The following PCGF2 variants were observed in gnomAD, a reference collection of about 807,000 sequenced individuals.
The protein encoded by PCGF2 is polycomb group RING finger protein 2.
In PCGF2, 8 loss-of-function variants were observed where a neutral mutation model predicts 36.1. The ratio of observed to expected loss-of-function variants is 0.22; its 90% CI spans 0.13 to 0.40. PCGF2 has a LOEUF of 0.40. Among genes scored for constraint, PCGF2 ranks in the 10% least tolerant of loss-of-function variants. The pLI is 1.00. For missense variants in PCGF2, 436 were observed against 475.9 expected, an observed-to-expected ratio of 0.92 and a Z score of 0.78; for synonymous variants, 198 against 191.2, an observed-to-expected ratio of 1.04 and a Z score of -0.29.
At chr17:38,747,359 C>T (rs1907602446) in intron 2 of PCGF2, among the ~76,000 whole-genome samples, 1 of 152,180 alleles carries the variant, frequency 6.6e-6, no homozygotes, top group East Asian at 1.9e-4. Context: ...GATCCCCCTG[C>T]TTCCGCTGGC....
At chr17:38,748,403 G>T (rs1315150509), upstream of PCGF2, 3 of 150,460 alleles carry the variant, frequency 2.0e-5, no homozygotes, top group South Asian at 2.1e-4. Flanking sequence ...CGGAGTGTGG[G>T]GGGGAGACAA....
rs577500032 is a variant in PCGF2 at position 38,735,562 on chromosome 17, G to C, written c.696C>G (p.Ala232=). 1 of 1,585,610 alleles carries C rather than the reference G, an allele frequency of 6.3e-7. No individual in the cohort carries two copies. The highest frequency in any genetic ancestry group is 1.3e-5 in the African/African-American group (1 of 74,532). Residue 232 remains alanine (A), a synonymous_variant, in exon 11 of 11, where the codon GCC becomes GCG. Coordinates refer to ENST00000620225, the MANE Select transcript of PCGF2 (RefSeq NM_007144.3). ...PLPLKYRVQP[A]CKRLTLATVP... ...CCGTGGCTAGGGTGAGCCGCTTGCA[G>C]GCTGGCTGGACACGGTACTTGAGGG...
At position 38,735,322 on chromosome 17, in the gene PCGF2, A is replaced by C; in HGVS notation, c.936T>G (p.Ala312=). 6.5e-7 allele frequency: 1 copy of C among 1,541,246 alleles called. No homozygotes were observed. The highest frequency in any genetic ancestry group is 8.8e-7 in the Non-Finnish European group (1 of 1,137,820). The change falls in exon 11 of 11, where the codon GCT becomes GCG. Residue 312 remains alanine, a synonymous_variant. Transcript: ENST00000620225. The part of the protein sequence containing the change: ...PPSTASGATT[A]ANGGSLNCLQ... ...GGCAGTTCAAGCTACCCCCGTTGGCAGCTGTGGTGGCCCCACTGGCTGTCG... is the reference window on the plus strand; with the variant it reads ...GGCAGTTCAAGCTACCCCCGTTGGCCGCTGTGGTGGCCCCACTGGCTGTCG...
chr17:38,737,297 T>C (rs1906845997), intron 9 of PCGF2, among the ~76,000 whole-genome samples: 1 of 151,926 alleles, frequency 6.6e-6, no homozygotes, highest in Non-Finnish European at 1.5e-5. Context: ...ACCCTGTCTA[T>C]ACTGAAAGTA....
upstream of PCGF2, among the ~76,000 whole-genome samples, chr17:38,748,907 G>T (rs1341964293): frequency 1.3e-5 from 2 of 152,110 alleles, no homozygotes. Flanking sequence ...CACTCCCCTT[G>T]CCCCCTCGGC....
At chr17:38,746,566 C>G (rs1907548484) in intron 2 of PCGF2, 1 of 152,456 alleles carries the variant, frequency 6.6e-6, no homozygotes, top group South Asian at 2.1e-4. Context: ...GGACCAGAGG[C>G]TGGAGGGCTG....
Position 38,737,296 on chromosome 17 carries a change from A to G in PCGF2, c.576+1057T>C, listed in dbSNP as rs557810474. 2.7e-5 allele frequency among the ~76,000 whole-genome samples: 4 copies of G among 149,974 alleles called. No homozygotes were observed. In the South Asian group the frequency reaches 8.5e-4, roughly 32 times the overall value. ...TGGCCAACATGGTGAAACCCTGTCT[A>G]TACTGAAAGTACAAAAATTAGCCAC... On this transcript the variant is annotated intron_variant, in intron 9 of 10. Transcript: ENST00000620225.
intron 2 of PCGF2, among the ~76,000 whole-genome samples, chr17:38,744,578 A>T (rs1186788397): frequency 2.0e-5 from 3 of 151,596 alleles, no homozygotes; most frequent in Non-Finnish European, 4.4e-5. Flanking sequence ...CTGGTTTCCA[A>T]CTCCTGGCCT....
At chr17:38,735,768 G>A (rs1906663489) in intron 10 of PCGF2, among the ~76,000 whole-genome samples, 168 bp from the exon 11 acceptor site, 1 of 152,204 alleles carries the variant, frequency 6.6e-6, no homozygotes, top group Non-Finnish European at 1.5e-5. Context: ...TGAAGACCCA[G>A]AGAGGGAAAA....
Position 38,744,936 on chromosome 17 carries a change from TG to T in PCGF2, c.-41+2942del, listed in dbSNP as rs1161971066. On this transcript the variant is annotated intron_variant, in intron 2 of 10. Transcript: ENST00000620225. ...GCTTTTAGAAAGCACCTTGTTCAGC[TG>T]GGCGTGGTGGCTCACACCTGTAATC... 2.0e-5 allele frequency among the ~76,000 whole-genome samples: 3 copies of T among 152,048 alleles called. No homozygotes were observed. The East Asian group carries it at 5.8e-4, about 29-fold the overall frequency.
rs773587292 is a variant in PCGF2, at chr17:38,740,451, C to T, written c.-40-9G>A. The T allele has an allele frequency of 5.9e-6, 9 of 1,532,220 alleles. No homozygotes were observed. Among genetic ancestry groups the T allele is most frequent in the Middle Eastern group, 1.8e-4 (1 of 5,528 alleles). The allele number at this position is 1,532,220 out of a possible 1,614,324, so 94.9% of individuals were successfully genotyped here. A position where few individuals can be genotyped will look rare whatever the true frequency, so the allele number is the denominator to read the frequency against. ...GACTGGGGAGCGTTGCCCTGGGAAA[C>T]GGAAGTGGAATCAGAAACCCAGAGT... On this transcript the variant is annotated splice_polypyrimidine_tract_variant and intron_variant, in intron 2 of 10. Transcript: ENST00000620225.
At position 38,738,812 on chromosome 17, in the gene PCGF2, C is replaced by A; in HGVS notation, c.366G>T (p.Lys122Asn). The A allele has an allele frequency of 6.2e-7, 1 of 1,614,152 alleles. No individual in the cohort carries two copies. Among genetic ancestry groups the A allele is most frequent in the Non-Finnish European group, 8.5e-7 (1 of 1,180,014 alleles). ...EDRGEVLEQE[K>N]GALSDDEIVS... ...CAATCTCATCATCACTCAGAGCCCC[C>A]TTCTCCTGCTCCAAGACCTCGCCGC... Residue 122 changes from lysine (K) to asparagine (N), a missense_variant, in exon 7 of 11, where the codon AAG (lysine) becomes AAT (asparagine). Physicochemically the swap from Lys to Asn is moderately conservative, Grantham distance 94. Around this residue, in one of 3 missense-constraint regions of PCGF2, gnomAD observed 189 missense variants for 219.3 expected, o/e 0.86. Coordinates refer to ENST00000620225, the MANE Select transcript of PCGF2 (RefSeq NM_007144.3).
intron 9 of PCGF2, among the ~76,000 whole-genome samples, chr17:38,736,446 G>A (rs1390246675): frequency 6.6e-6 from 1 of 152,184 alleles, no homozygotes; most frequent in Non-Finnish European, 1.5e-5. Flanking sequence ...ATCTCTGGCA[G>A]GTCGCCCAGA....
intron 9 of PCGF2, among the ~76,000 whole-genome samples, chr17:38,737,430 T>A (rs1306492240): frequency 1.3e-5 from 2 of 152,086 alleles, no homozygotes; most frequent in Admixed American, 6.5e-5. Context: ...GCCACTGCAC[T>A]CCAGCCTGCG....
Position 38,738,420 on chromosome 17 carries a change from G to A in PCGF2, c.509C>T (p.Ala170Val). 2 of 1,614,202 alleles carry A rather than the reference G, an allele frequency of 1.2e-6. No individual in the cohort carries two copies. The highest frequency in any genetic ancestry group is 1.7e-6 in the Non-Finnish European group (2 of 1,180,022). Residue 170 changes from alanine (A) to valine (V), a missense_variant, in exon 9 of 11, where the codon GCA becomes GTA. This residue lies in a region of PCGF2 where 20 missense variants were observed against 43.7 expected (regional missense o/e 0.46). Transcript: ENST00000620225. ...GGCAAGATGCATGACGGTCATGGCT[G>A]CTGGGCATCGCAGGAAGCGCACCCC... is the stretch of plus-strand genomic sequence containing the variant. ...KTGVRFLRCP[A>V]AMTVMHLAKF...
upstream of PCGF2, chr17:38,749,514 G>T (rs940140544): frequency 2.4e-6 from 1 of 423,648 alleles, no homozygotes; most frequent in African/African-American, 2.0e-5. This position sits in a 1 kb window ranked among gnomAD's most constrained non-coding sequence, Gnocchi z 6.5. Context: ...GAGGATGGTC[G>T]ATTCCCTCAT....
rs747357680 is a variant in PCGF2, at chr17:38,740,277, TC to T, written c.112+13del. The T allele has an allele frequency of 2.5e-6, 4 of 1,604,942 alleles. No individual in the cohort carries two copies. The highest frequency in any genetic ancestry group is 3.4e-6 in the Non-Finnish European group (4 of 1,172,452). ...GGCTGCCCACCCTGAGCAGCTCCCC[TC>T]CCCCCAACTCACAGGAATGCAGGCA... On this transcript the variant is annotated intron_variant, in intron 3 of 10. Coordinates refer to ENST00000620225, the MANE Select transcript of PCGF2 (RefSeq NM_007144.3).
chr17:38,741,459 C>T (rs1464980329), intron 2 of PCGF2, among the ~76,000 whole-genome samples: 1 of 152,056 alleles, frequency 6.6e-6, no homozygotes, highest in Non-Finnish European at 1.5e-5. Context: ...GGTGCAGGGC[C>T]TCAGACTTGA....
At position 38,735,483 on chromosome 17, in the gene PCGF2, C is replaced by A; in HGVS notation, c.775G>T (p.Val259Phe). 1 of 1,593,516 alleles carries A rather than the reference C, an allele frequency of 6.3e-7. No homozygotes were observed. The highest frequency in any genetic ancestry group is 8.5e-7 in the Non-Finnish European group (1 of 1,170,300). ...GCAGGGCTGGGAGCCTTGTCGCTGA[C>A]TGACTCACACTCGGACGCCCCGCTG... is the stretch of plus-strand genomic sequence containing the variant. ...NTSGASECESVSDKAPSPATL... is the reference protein window; with the variant it reads ...NTSGASECESFSDKAPSPATL... The change falls in exon 11 of 11, where the codon GTC becomes TTC. Residue 259 changes from valine (V) to phenylalanine (F), a missense_variant. Transcript: ENST00000620225.
Sources: allele counts gnomAD v4.1 joint callset (sites outside exome capture counted in the v4.1 genomes callset), GRCh38; gene constraint gnomAD v4.1.1; regional missense constraint gnomAD v4.1.1; non-coding constraint Gnocchi (gnomAD v3.1); transcripts MANE v1.5; gene names NCBI Gene and HGNC (gene_info 2026-07-23, HGNC 2026-07-21).